SEC14L5: variants seen among roughly 807,000 people sequenced by gnomAD.
SEC14L5 encodes SEC14 like lipid binding 5, also known as SEC14-like protein 5.
In SEC14L5, 96 loss-of-function variants were observed where a neutral mutation model predicts 84.6. That is an observed-to-expected ratio of 1.13 (90% confidence interval 0.96 to 1.34). The LOEUF (loss-of-function observed/expected upper bound fraction) is 1.34, where lower values mean the gene tolerates loss of function less well. Among genes scored for constraint, SEC14L5 ranks in the 40% most tolerant of loss-of-function variants. SEC14L5 has a pLI of 0.00. For synonymous variants in SEC14L5, 546 were observed against 383.4 expected, an observed-to-expected ratio of 1.42 and a Z score of -4.95; for missense variants, 1,224 against 942.5, an observed-to-expected ratio of 1.30 and a Z score of -3.91.
chr16:5,003,855 G>C (rs1462441618), intron 11 of SEC14L5, among the ~76,000 whole-genome samples: 1 of 152,198 alleles, frequency 6.6e-6, no homozygotes, highest in African/African-American at 2.4e-5. Context: ...CAAATTCCTG[G>C]GCTCAAGCGG....
In SEC14L5 at chr16:5,003,479, G is replaced by A. The variant is rs1388174568; in HGVS notation, c.1208G>A (p.Arg403Gln). ...CGGCCGGGGGTGAAGGCCCTGCTGC[G>A]GATGATTGAGGTGGTTGAGGACAAT... The part of the protein sequence containing the change: ...LWRPGVKALL[R>Q]MIEVVEDNYP... The change falls in exon 11 of 16, where the codon CGG (arginine) becomes CAG (glutamine). Residue 403 changes from arginine to glutamine, a missense_variant. Coordinates refer to ENST00000251170, the MANE Select transcript of SEC14L5 (RefSeq NM_014692.2). 2 of 1,613,138 alleles carry A rather than the reference G, an allele frequency of 1.2e-6. No individual in the cohort carries two copies. Among genetic ancestry groups the A allele is most frequent in the African/African-American group, 1.3e-5 (1 of 75,012 alleles).
chr16:4,988,152 G>T lies in SEC14L5; in HGVS notation c.217G>T (p.Ala73Ser). 6.2e-7 allele frequency: 1 copy of T among 1,612,940 alleles called. No individual in the cohort carries two copies. Among genetic ancestry groups the T allele is most frequent in the Non-Finnish European group, 8.5e-7 (1 of 1,179,282 alleles). The part of the protein sequence containing the change: ...VDAPRLLRKI[A>S]GVEHVVFVQT... ...CTCCCCGCCCCTTCCCTTGCAGATC[G>T]CAGGTGTTGAGCACGTGGTCTTCGT... Residue 73 changes from alanine to serine, a missense_variant, in exon 4 of 16, where the codon GCA (alanine) becomes TCA (serine). By Grantham distance (99) the Ala-to-Ser change is moderately conservative. Coordinates refer to ENST00000251170, the MANE Select transcript of SEC14L5 (RefSeq NM_014692.2).
intron 2 of SEC14L5, among the ~76,000 whole-genome samples, chr16:4,985,995 A>G (rs1364896589): frequency 1.3e-5 from 2 of 152,112 alleles, no homozygotes; most frequent in Admixed American, 1.3e-4. Flanking sequence ...TTGCTGGATC[A>G]TAAGGTAATT....
At chr16:5,008,150 A>C (rs1488918356) in intron 13 of SEC14L5, among the ~76,000 whole-genome samples, 3 of 151,848 alleles carry the variant, frequency 2.0e-5, no homozygotes, top group Admixed American at 2.0e-4. Context: ...TCCTGACCTC[A>C]AGTGATCCAC....
At chr16:4,981,227 G>A (rs1480371304) in intron 2 of SEC14L5, among the ~76,000 whole-genome samples, 1 of 148,360 alleles carries the variant, frequency 6.7e-6, no homozygotes, top group Non-Finnish European at 1.5e-5. Context: ...TGGGATTACA[G>A]GCATGCACCA....
chr16:4,991,326 C>T (rs374251725), intron 5 of SEC14L5, among the ~76,000 whole-genome samples: 5 of 151,844 alleles, frequency 3.3e-5, no homozygotes, highest in Non-Finnish European at 5.9e-5. Flanking sequence ...CTTAATTCTC[C>T]GAGGTTGGAG....
chr16:5,005,017 T>G (rs894934451), intron 11 of SEC14L5, among the ~76,000 whole-genome samples: 1 of 152,132 alleles, frequency 6.6e-6, no homozygotes, highest in Admixed American at 6.5e-5. Context: ...TTATATGAAA[T>G]GTGCAGAATA....
Position 4,959,229 on chromosome 16 carries a change from C to T in SEC14L5, c.-51-44C>T, listed in dbSNP as rs146842054. On this transcript the variant is annotated intron_variant, in intron 1 of 15. Transcript: ENST00000251170. ...CACTTGGTGGGTGGTGTCCCTGCTT[C>T]CCGAGGTGGGAGCTGCAACCTCACC... is the stretch of plus-strand genomic sequence containing the variant. 483 of 929,444 alleles carry T rather than the reference C, an allele frequency of 5.2e-4. No individual in the cohort carries two copies. In the Middle Eastern group the frequency reaches 5.3e-3, roughly 10 times the overall value. The allele number at this position is 929,444 out of a possible 1,614,324, so 57.6% of individuals were successfully genotyped here.
intron 2 of SEC14L5, among the ~76,000 whole-genome samples, chr16:4,977,446 CAAAAA>C (rs762657125): frequency 1.5e-5 from 1 of 66,142 alleles, no homozygotes; most frequent in African/African-American, 6.6e-5. Context: ...GACTCCGTCT[CAAAAA>C]AAAAAAAAAA....
intron 2 of SEC14L5, among the ~76,000 whole-genome samples, chr16:4,965,650 G>T (rs1399930145): frequency 1.7e-5 from 1 of 57,332 alleles, no homozygotes; most frequent in African/African-American, 6.9e-5. Context: ...AAAAGAGCAA[G>T]ACTCCATCTC....
rs550117607 is a variant in SEC14L5, at chr16:5,009,856, A to T, written c.1800+1208A>T. On this transcript the variant is annotated intron_variant, in intron 14 of 15. Transcript: ENST00000251170. ...TGGATCTGGGAGGGGGTGAGAGGGG[A>T]TGATGTTCCAGGTGGAAGGAACAGA... 7.0e-4 allele frequency among the ~76,000 whole-genome samples: 107 copies of T among 152,182 alleles called. 1 individual carries two copies. Among genetic ancestry groups the T allele is most frequent in the African/African-American group, 2.6e-3 (106 of 41,544 alleles).
chr16:4,963,978 C>T (rs1278566853), intron 2 of SEC14L5, among the ~76,000 whole-genome samples: 8 of 152,350 alleles, frequency 5.3e-5, no homozygotes, highest in African/African-American at 7.2e-5. Context: ...TGAGCCACTG[C>T]GCTCAGCCTT....
chr16:5,000,610 C>A (rs373665162), intron 8 of SEC14L5, 45 bp from the exon 9 acceptor site: 2 of 1,445,116 alleles, frequency 1.4e-6, no homozygotes, highest in East Asian at 2.5e-5. Context: ...GGAAGCAGTC[C>A]TCTAAATAAC....
intron 10 of SEC14L5, among the ~76,000 whole-genome samples, chr16:5,002,343 C>T (rs1000167805): frequency 2.3e-4 from 33 of 144,998 alleles, no homozygotes; most frequent in Non-Finnish European, 3.7e-4. Flanking sequence ...GTCGCCCAGG[C>T]TGGAGTACAG....
At chr16:4,992,313 C>A (rs1457889745) in intron 6 of SEC14L5, among the ~76,000 whole-genome samples, 1 of 152,198 alleles carries the variant, frequency 6.6e-6, no homozygotes, top group Non-Finnish European at 1.5e-5. Flanking sequence ...CGCAGTAGCA[C>A]GATCTCGGCT....
chr16:4,996,262 C>T, intron 6 of SEC14L5, 86 bp from the exon 7 acceptor site: 1 of 796,458 alleles, frequency 1.3e-6, no homozygotes, highest in Non-Finnish European at 2.1e-6. Context: ...GTCAGTGAGG[C>T]AGCCAGTAAG....
rs534301011 is a variant in SEC14L5, at chr16:5,017,084, G to A, written c.*2114G>A. 5.3e-5 allele frequency: 8 copies of A among 151,938 alleles called. No individual in the cohort carries two copies. The highest frequency in any genetic ancestry group is 1.9e-4 in the African/African-American group (8 of 41,422). 9.4% of individuals were successfully genotyped at this position (151,938 alleles called of 1,614,324 possible). A position where few individuals can be genotyped will look rare whatever the true frequency, so the allele number is the denominator to read the frequency against. On this transcript the variant is annotated 3_prime_UTR_variant, in exon 16 of 16. Coordinates refer to ENST00000251170, the MANE Select transcript of SEC14L5 (RefSeq NM_014692.2). Reference sequence around the variant, plus strand: ...TTATCCTACAAGTATGCTGGGATAAGCTGCCCTGGCAGTCTTTATACATTT... The same window carrying A: ...TTATCCTACAAGTATGCTGGGATAAACTGCCCTGGCAGTCTTTATACATTT...
At chr16:4,971,722 C>T (rs546001670) in intron 2 of SEC14L5, among the ~76,000 whole-genome samples, 14 of 152,202 alleles carry the variant, frequency 9.2e-5, no homozygotes, top group Non-Finnish European at 1.8e-4. Flanking sequence ...CTAGGGAGAC[C>T]GGTACTTATG....
Position 4,981,587 on chromosome 16 carries a change from G to C in SEC14L5, c.64-5970G>C, listed in dbSNP as rs190672571. Among the ~76,000 whole-genome samples the C allele has an allele frequency of 4.0e-3, 614 of 152,188 alleles. 2 individuals are homozygous for C. The highest frequency in any genetic ancestry group is 0.014 in the African/African-American group (583 of 41,518). ...AGGAGAAGATGTGACCGCTTGGCCCGGGGGGACAGTGCCTGGCTCTGTTTC... is the reference window on the plus strand; with the variant it reads ...AGGAGAAGATGTGACCGCTTGGCCCCGGGGGACAGTGCCTGGCTCTGTTTC... On this transcript the variant is annotated intron_variant, in intron 2 of 15. Coordinates refer to ENST00000251170, the MANE Select transcript of SEC14L5 (RefSeq NM_014692.2).
Sources: allele counts gnomAD v4.1 joint callset (sites outside exome capture counted in the v4.1 genomes callset), GRCh38; gene constraint gnomAD v4.1.1; transcripts MANE v1.5; gene names NCBI Gene and HGNC (gene_info 2026-07-23, HGNC 2026-07-21).